Variants in NFATC3 observed in about 807,000 individuals in gnomAD.
The protein encoded by NFATC3 is nuclear factor of activated T cells 3, also known as nuclear factor of activated T-cells, cytoplasmic 3.
In NFATC3, 46 loss-of-function variants were observed where a neutral mutation model predicts 98.6. That is an observed-to-expected ratio of 0.47 (90% CI 0.37 to 0.60). NFATC3 has a LOEUF of 0.60. NFATC3 is among the 20% of genes least tolerant of loss of function. The pLI, the probability that NFATC3 is intolerant of heterozygous loss-of-function variation, is 0.00. For synonymous variants in NFATC3, 512 were observed against 472.2 expected (o/e 1.08, Z -1.09); for missense variants, 1,256 against 1,295.5 (o/e 0.97, Z 0.47).
chr16:68,191,617 A>AG lies in NFATC3; in HGVS notation c.2954dup (p.Leu986SerfsTer14). 1.2e-6 allele frequency: 2 copies of AG among 1,614,124 alleles called. No homozygotes were observed. Among genetic ancestry groups the AG allele is most frequent in the Non-Finnish European group, 1.7e-6 (2 of 1,180,024 alleles). ...TCAACTCAAGCACAAAGTACGGGCC[A>AG]GGGGGGTCTTTCTGCACCTTCATCC... On this transcript the variant is annotated frameshift_variant, in exon 9 of 10. Coordinates refer to ENST00000346183, the MANE Select transcript of NFATC3 (RefSeq NM_173165.3). LOFTEE classifies it high-confidence loss of function.
intron 9 of NFATC3, chr16:68,191,995 T>C (rs1203897725): frequency 4.0e-6 from 2 of 502,750 alleles, no homozygotes; most frequent in Non-Finnish European, 7.1e-6. Flanking sequence ...GATCACAAGG[T>C]CAGGAGTTCA....
chr16:68,183,344 T>C lies in NFATC3; in HGVS notation c.2076T>C (p.Ser692=). 6.2e-7 allele frequency: 1 copy of C among 1,613,442 alleles called. No individual in the cohort carries two copies. Among genetic ancestry groups the C allele is most frequent in the Non-Finnish European group, 8.5e-7 (1 of 1,179,982 alleles). The change falls in exon 8 of 10, where the codon TCT becomes TCC. Residue 692 remains serine, a synonymous_variant. Coordinates refer to ENST00000346183, the MANE Select transcript of NFATC3 (RefSeq NM_173165.3). Reference sequence around the variant, plus strand: ...ATGGCAAGAGGAAAAAAAGCCAGTCTCAACGTTTTACTTATACACCAGGTA... The same window carrying C: ...ATGGCAAGAGGAAAAAAAGCCAGTCCCAACGTTTTACTTATACACCAGGTA... The part of the protein sequence containing the change: ...LCNGKRKKSQ[S]QRFTYTPVLM...
intron 8 of NFATC3, among the ~76,000 whole-genome samples, chr16:68,189,797 C>T (rs1210968426): frequency 3.3e-5 from 5 of 152,154 alleles, no homozygotes; most frequent in Non-Finnish European, 7.4e-5. Flanking sequence ...TGCACAGTGG[C>T]TTATGCCTAT....
At chr16:68,203,382 A>G (rs2041008328) in intron 9 of NFATC3, among the ~76,000 whole-genome samples, 1 of 152,190 alleles carries the variant, frequency 6.6e-6, no homozygotes. Context: ...GTGTAATCCC[A>G]GCACTTTGGG....
At chr16:68,168,794 A>T (rs1343776829) in intron 5 of NFATC3, among the ~76,000 whole-genome samples, 1 of 151,966 alleles carries the variant, frequency 6.6e-6, no homozygotes, top group Non-Finnish European at 1.5e-5. Flanking sequence ...CTGTATTCTT[A>T]ATTTGGGGCC....
At chr16:68,192,881 A>T (rs2040504897) in intron 9 of NFATC3, among the ~76,000 whole-genome samples, 1 of 152,044 alleles carries the variant, frequency 6.6e-6, no homozygotes, top group Non-Finnish European at 1.5e-5. Context: ...AAAAAAGATC[A>T]GCAGAGATAT....
chr16:68,105,573 T>C (rs557114023), intron 1 of NFATC3, among the ~76,000 whole-genome samples: 37 of 152,296 alleles, frequency 2.4e-4, no homozygotes, highest in South Asian at 2.3e-3. Flanking sequence ...GGGATATTGG[T>C]CTGTAGTGTC....
At chr16:68,138,978 C>T (rs1567516549) in intron 3 of NFATC3, among the ~76,000 whole-genome samples, 1 of 152,158 alleles carries the variant, frequency 6.6e-6, no homozygotes, top group Admixed American at 6.5e-5. Flanking sequence ...ATTCACCTAT[C>T]TATCCATTTA....
intron 9 of NFATC3, chr16:68,209,476 T>G (rs1598602968): frequency 5.1e-6 from 1 of 195,420 alleles, no homozygotes; most frequent in Non-Finnish European, 1.1e-5. Context: ...CCACGGAAGG[T>G]GTTGCTGCTG....
chr16:68,171,298 C>T (rs1240359243), intron 5 of NFATC3, among the ~76,000 whole-genome samples: 2 of 152,044 alleles, frequency 1.3e-5, no homozygotes, highest in African/African-American at 4.8e-5. Context: ...TGTGAGCCAA[C>T]GCACCCAGCC....
At chr16:68,148,729 C>T (rs536849441) in intron 3 of NFATC3, among the ~76,000 whole-genome samples, 3 of 152,264 alleles carry the variant, frequency 2.0e-5, no homozygotes, top group South Asian at 2.1e-4. Context: ...GAGTTAAGAC[C>T]GGGCACGGTG....
At chr16:68,184,145 T>A (rs556182131) in intron 8 of NFATC3, among the ~76,000 whole-genome samples, 1 of 152,220 alleles carries the variant, frequency 6.6e-6, no homozygotes, top group South Asian at 2.1e-4. Flanking sequence ...AATTAGTGAC[T>A]CTGAGGAGTG....
intron 9 of NFATC3, among the ~76,000 whole-genome samples, chr16:68,196,709 A>G (rs1479330951): frequency 6.6e-6 from 1 of 152,032 alleles, no homozygotes; most frequent in Non-Finnish European, 1.5e-5. Context: ...AAAGAAAAAA[A>G]AACAACTTTT....
intron 6 of NFATC3, among the ~76,000 whole-genome samples, chr16:68,178,381 C>G (rs1012845685): frequency 6.6e-6 from 1 of 152,136 alleles, no homozygotes; most frequent in Non-Finnish European, 1.5e-5. Flanking sequence ...CTGACCCATA[C>G]CCTGCCTGTC....
At chr16:68,188,784 C>G (rs1472935099) in intron 8 of NFATC3, among the ~76,000 whole-genome samples, 1 of 152,336 alleles carries the variant, frequency 6.6e-6, no homozygotes, top group Non-Finnish European at 1.5e-5. Flanking sequence ...TCTCGTTTCA[C>G]TGCAACCTCT....
chr16:68,160,055 A>G (rs2038816798), intron 4 of NFATC3, among the ~76,000 whole-genome samples: 1 of 151,712 alleles, frequency 6.6e-6, no homozygotes. Context: ...CAAGAGCGAA[A>G]CTCCGACTCA....
intron 3 of NFATC3, among the ~76,000 whole-genome samples, chr16:68,152,353 T>C (rs1314413915): frequency 7.7e-6 from 1 of 130,352 alleles, no homozygotes; most frequent in Non-Finnish European, 1.5e-5. Context: ...CACTGCAGCC[T>C]GGGCAACAGA....
chr16:68,092,093 A>G lies in NFATC3; in HGVS notation c.103+6309A>G, dbSNP rs533784300. ...GGCTCTAAGATTTAAGTAACAGCCT[A>G]TGAATTGCTAGTTTACCAACAGCTG... On this transcript the variant is annotated intron_variant, in intron 1 of 9. Transcript: ENST00000346183. Among the ~76,000 whole-genome samples the G allele has an allele frequency of 4.6e-5, 7 of 152,302 alleles. No individual in the cohort carries two copies. In the East Asian group the frequency reaches 5.8e-4, roughly 13 times the overall value.
intron 9 of NFATC3, among the ~76,000 whole-genome samples, chr16:68,222,216 AG>A (rs1226534706): frequency 1.4e-5 from 2 of 141,420 alleles, no homozygotes; most frequent in Non-Finnish European, 3.0e-5. Flanking sequence ...TTAGGTGGGA[AG>A]ATCAAGGCTG....
Sources: allele counts gnomAD v4.1 joint callset (sites outside exome capture counted in the v4.1 genomes callset), GRCh38; gene constraint gnomAD v4.1.1; transcripts MANE v1.5; gene names NCBI Gene and HGNC (gene_info 2026-07-23, HGNC 2026-07-21).